The following ZNF143 variants were observed in gnomAD, a reference collection of about 807,000 sequenced individuals.
The protein encoded by ZNF143 is zinc finger protein 143, also known as SPH-binding factor.
In ZNF143, 49 loss-of-function variants were observed where a neutral mutation model predicts 74.1. The ratio of observed to expected loss-of-function variants is 0.66; its 90% confidence interval spans 0.53 to 0.84. The LOEUF (loss-of-function observed/expected upper bound fraction) is 0.84, where lower values mean the gene tolerates loss of function less well. Ranked by LOEUF, ZNF143 falls within the 40% of genes least tolerant of loss-of-function variation. ZNF143 has a pLI of 0.00. For synonymous variants in ZNF143, 304 were observed against 282.8 expected (o/e 1.07, Z -0.75); for missense variants, 637 against 793.4 (o/e 0.80, Z 2.37).
In ZNF143 at chr11:9,463,006, C is replaced by T. The variant is rs979208630; in HGVS notation, c.-8+1930C>T. The stretch of plus-strand genomic sequence containing the variant: ...CCCCATTTCCTCTCAGTTGTCCCCT[C>T]CACCCCACTACTAGTTTGCATGTTT... On this transcript the variant is annotated intron_variant, in intron 1 of 15. Transcript: ENST00000396602. Among the ~76,000 whole-genome samples, 19 of 152,224 alleles carry T rather than the reference C, an allele frequency of 1.2e-4. 1 individual carries two copies. The highest frequency in any genetic ancestry group is 4.1e-4 in the African/African-American group (17 of 41,464).
chr11:9,471,862 T>A (rs1321257401), intron 2 of ZNF143, among the ~76,000 whole-genome samples: 1 of 149,386 alleles, frequency 6.7e-6, no homozygotes, highest in Non-Finnish European at 1.5e-5. Context: ...TCTATGTGTA[T>A]TTTTTATCTT....
chr11:9,471,485 A>T (rs1856564165), intron 2 of ZNF143, 65 bp downstream of exon 2: 4 of 1,201,498 alleles, frequency 3.3e-6, no homozygotes, highest in Non-Finnish European at 1.2e-6. Context: ...AAAAAAATTT[A>T]CAACTTCCTA....
chr11:9,522,717 C>G (rs1276083691), intron 14 of ZNF143, among the ~76,000 whole-genome samples: 1 of 152,030 alleles, frequency 6.6e-6, no homozygotes, highest in East Asian at 1.9e-4. Flanking sequence ...TGGTCTCGAA[C>G]TGCTGACCTC....
intron 9 of ZNF143, among the ~76,000 whole-genome samples, chr11:9,496,726 A>G (rs1379439062): frequency 6.6e-6 from 1 of 151,846 alleles, no homozygotes; most frequent in Non-Finnish European, 1.5e-5. Context: ...CCTCCCGAGT[A>G]GCTGGGATTA....
intron 11 of ZNF143, among the ~76,000 whole-genome samples, chr11:9,506,957 C>T (rs1487058446): frequency 6.6e-6 from 1 of 152,094 alleles, no homozygotes; most frequent in East Asian, 1.9e-4. Flanking sequence ...TCTGCTCTAG[C>T]CTAAATATCA....
At chr11:9,525,030 C>CCCATA (rs1452482295) in intron 14 of ZNF143, among the ~76,000 whole-genome samples, 1 of 152,142 alleles carries the variant, frequency 6.6e-6, no homozygotes, top group Non-Finnish European at 1.5e-5. Context: ...GTTCTCTACC[C>CCCATA]TATTTTGCCG....
intron 15 of ZNF143, among the ~76,000 whole-genome samples, chr11:9,525,895 A>G (rs759393510): frequency 2.0e-5 from 3 of 152,110 alleles, no homozygotes; most frequent in Non-Finnish European, 4.4e-5. Flanking sequence ...TAATCCTAGC[A>G]CTTTGGGAGG....
rs368637800 is a variant in ZNF143, at chr11:9,512,492, A to G, written c.1420A>G (p.Thr474Ala). ...TAAAGGGTCCCAGATTACGTATGTTACAGGTGTAGAAGGGGACGACGTTGT... is the reference window on the plus strand; with the variant it reads ...TAAAGGGTCCCAGATTACGTATGTTGCAGGTGTAGAAGGGGACGACGTTGT... ...VLKGSQITYV[T>A]GVEGDDVVST... The change falls in exon 13 of 16, where the codon ACA becomes GCA. Residue 474 changes from threonine to alanine, a missense_variant. Thr to Ala is a moderately conservative substitution (Grantham distance 58). Coordinates refer to ENST00000396602, the MANE Select transcript of ZNF143 (RefSeq NM_003442.6). 10 of 1,614,260 alleles carry G rather than the reference A, an allele frequency of 6.2e-6. No individual in the cohort carries two copies. The African/African-American group carries it at 6.7e-5, about 11-fold the overall frequency.
In ZNF143 at chr11:9,527,659, C is replaced by T. The variant is rs1321769935; in HGVS notation, c.*46C>T. Reference sequence around the variant, plus strand: ...TAAAGCAGAAGGAGTCTTTCATCTTCTGGCAGCAGAAATCCATGAAGCCCG... The same window carrying T: ...TAAAGCAGAAGGAGTCTTTCATCTTTTGGCAGCAGAAATCCATGAAGCCCG... On this transcript the variant is annotated 3_prime_UTR_variant, in exon 16 of 16. Coordinates refer to ENST00000396602, the MANE Select transcript of ZNF143 (RefSeq NM_003442.6). 6.3e-7 allele frequency: 1 copy of T among 1,575,078 alleles called. No individual in the cohort carries two copies. The highest frequency in any genetic ancestry group is 1.3e-5 in the African/African-American group (1 of 74,226).
At chr11:9,518,995 C>G (rs1177801990) in intron 14 of ZNF143, among the ~76,000 whole-genome samples, 3 of 152,120 alleles carry the variant, frequency 2.0e-5, no homozygotes, top group African/African-American at 4.8e-5. Flanking sequence ...TGCCTGCAAT[C>G]TGGTTTTTTC....
At chr11:9,499,905 A>G (rs990876429) in intron 10 of ZNF143, among the ~76,000 whole-genome samples, 1 of 152,206 alleles carries the variant, frequency 6.6e-6, no homozygotes, top group African/African-American at 2.4e-5. Flanking sequence ...CCAAGATTGT[A>G]TAAAGCAAAT....
At chr11:9,517,874 C>A (rs1210074729) in intron 14 of ZNF143, among the ~76,000 whole-genome samples, 3 of 152,088 alleles carry the variant, frequency 2.0e-5, no homozygotes, top group African/African-American at 7.2e-5. Context: ...AAAGAAAAAA[C>A]TGATAAATTG....
chr11:9,466,125 G>C (rs760171437), intron 1 of ZNF143, among the ~76,000 whole-genome samples: 9 of 151,646 alleles, frequency 5.9e-5, no homozygotes, highest in Non-Finnish European at 1.3e-4. Context: ...TGGGATTACA[G>C]GCACCTGCCA....
intron 7 of ZNF143, among the ~76,000 whole-genome samples, chr11:9,491,507 C>T (rs956430986): frequency 1.3e-5 from 2 of 151,900 alleles, no homozygotes; most frequent in East Asian, 2.0e-4. Flanking sequence ...GGCATGGTGG[C>T]GGGCGCCTCT....
chr11:9,474,296 A>G (rs2133880309), intron 4 of ZNF143, among the ~76,000 whole-genome samples: 1 of 152,172 alleles, frequency 6.6e-6, no homozygotes, highest in South Asian at 2.1e-4. Flanking sequence ...CATGTCTCTC[A>G]TTTTCTTCAT....
rs1293714691 is a variant in ZNF143 at position 9,525,368 on chromosome 11, C to T, written c.1815C>T (p.Gly605=). 1.9e-6 allele frequency: 3 copies of T among 1,614,182 alleles called. No individual in the cohort carries two copies. The Admixed American group carries it at 5.0e-5, about 27-fold the overall frequency. ...TGACCTTAGTAGCAACATCCAATGGCACCCAGATTGCAGTTCAGGTGAGTA... is the reference window on the plus strand; with the variant it reads ...TGACCTTAGTAGCAACATCCAATGGTACCCAGATTGCAGTTCAGGTGAGTA... The part of the protein sequence containing the change: ...RPLTLVATSN[G]TQIAVQLGEQ... The change falls in exon 15 of 16, where the codon GGC becomes GGT. Residue 605 remains glycine, a synonymous_variant. Transcript: ENST00000396602.
At chr11:9,468,748 G>A (rs546577331) in intron 1 of ZNF143, among the ~76,000 whole-genome samples, 1 of 152,308 alleles carries the variant, frequency 6.6e-6, no homozygotes, top group African/African-American at 2.4e-5. Context: ...AGGAGGCTGA[G>A]GCAGGAGGAT....
chr11:9,474,631 A>C lies in ZNF143; in HGVS notation c.371A>C (p.Lys124Thr). The change falls in exon 5 of 16, where the codon AAA becomes ACA. Residue 124 changes from lysine to threonine, a missense_variant and splice_region_variant. This residue lies in a region of ZNF143 where 293 missense variants were observed against 307.8 expected (regional missense o/e 0.95). Transcript: ENST00000396602. ...GTTAFIHHTS[K>T]DSYDQSALQA... ...ACAGCATTTATTCACCACACCTCCA[A>C]AGGTAAAATAACTTTGAAAGTATGA... 1.2e-6 allele frequency: 2 copies of C among 1,613,958 alleles called. No individual in the cohort carries two copies. The highest frequency in any genetic ancestry group is 1.7e-6 in the Non-Finnish European group (2 of 1,179,852).
intron 11 of ZNF143, among the ~76,000 whole-genome samples, chr11:9,502,136 ATGT>A (rs1848186017): frequency 6.8e-6 from 1 of 147,664 alleles, no homozygotes; most frequent in Non-Finnish European, 1.5e-5. Flanking sequence ...GGGTTTCTCC[ATGT>A]TGGTCAGGCT....
Sources: allele counts gnomAD v4.1 joint callset (sites outside exome capture counted in the v4.1 genomes callset), GRCh38; gene constraint gnomAD v4.1.1; regional missense constraint gnomAD v4.1.1; transcripts MANE v1.5; gene names NCBI Gene and HGNC (gene_info 2026-07-23, HGNC 2026-07-21).